Variants in SZT2 observed in about 807,000 individuals in gnomAD.
SZT2 encodes the protein SZT2 subunit of KICSTOR complex, also known as KICSTOR complex protein SZT2.
Under a neutral mutation model 404.2 loss-of-function variants are expected in SZT2, and 216 were observed. The ratio of observed to expected loss-of-function variants is 0.53; its 90% CI spans 0.48 to 0.60. The LOEUF (loss-of-function observed/expected upper bound fraction) is 0.60, where lower values mean the gene tolerates loss of function less well. Ranked by LOEUF, SZT2 falls within the 20% of genes least tolerant of loss-of-function variation. The pLI is 0.00. For synonymous variants in SZT2, 1,693 were observed against 1,749.9 expected (o/e 0.97, Z 0.81); for missense variants, 3,857 against 4,459.2 (o/e 0.86, Z 3.85).
In SZT2 at chr1:43,453,290, C is replaced by A. The variant is rs951561939; in HGVS notation, c.*2810C>A. The stretch of plus-strand genomic sequence containing the variant: ...AGAGGCAGAGATAAACCAGTGGGCT[C>A]AGACTTCTGAGCGTCTCAGATCTGG... On this transcript the variant is annotated 3_prime_UTR_variant, in exon 72 of 72. Transcript: ENST00000634258. 58 of 815,360 alleles carry A rather than the reference C, an allele frequency of 7.1e-5. 1 individual carries two copies. The African/African-American group carries it at 9.8e-4, about 14-fold the overall frequency. 50.5% of individuals were successfully genotyped at this position (815,360 alleles called of 1,614,324 possible).
chr1:43,453,979 A>G lies in SZT2; in HGVS notation c.*3499A>G. ...ACGAAAAGCGCCTACGGTTAGCGAGAGAGGGATCACGGGGAGAGGCGAAGG... is the reference window on the plus strand; with the variant it reads ...ACGAAAAGCGCCTACGGTTAGCGAGGGAGGGATCACGGGGAGAGGCGAAGG... On this transcript the variant is annotated 3_prime_UTR_variant, in exon 72 of 72. Coordinates refer to ENST00000634258, the MANE Select transcript of SZT2 (RefSeq NM_001365999.1). 1 of 1,188,742 alleles carries G rather than the reference A, an allele frequency of 8.4e-7. No homozygotes were observed. The highest frequency in any genetic ancestry group is 1.6e-5 in the African/African-American group (1 of 62,596). 73.6% of individuals were successfully genotyped at this position (1,188,742 alleles called of 1,614,324 possible).
At position 43,446,954 on chromosome 1, in the gene SZT2, GCT is replaced by G; in HGVS notation, c.9073_9074del (p.Leu3025ValfsTer9). 1 of 1,606,896 alleles carries G rather than the reference GCT, an allele frequency of 6.2e-7. No homozygotes were observed. Among genetic ancestry groups the G allele is most frequent in the Non-Finnish European group, 8.5e-7 (1 of 1,175,474 alleles). On this transcript the variant is annotated frameshift_variant and splice_region_variant, in exon 66 of 72. Coordinates refer to ENST00000634258, the MANE Select transcript of SZT2 (RefSeq NM_001365999.1). LOFTEE classifies it high-confidence loss of function. ...CCTGTCTCCTGCTGCTGCCTCCCCA[GCT>G]GTCCATGCTGTTCACAGAGGAGTGT... ...IPMGQAVNSQ[L>X]SMLFTEECDK... is the part of the protein sequence containing the mutation.
chr1:43,450,236 G>A lies in SZT2; in HGVS notation c.10155+65G>A, dbSNP rs1416592363. On this transcript the variant is annotated intron_variant, in intron 71 of 71. Coordinates refer to ENST00000634258, the MANE Select transcript of SZT2 (RefSeq NM_001365999.1). The surrounding 1 kb of genome is among the most constrained non-coding windows in gnomAD (Gnocchi z 4.3). ...GGCCGTACCCCAAATGCTCCACCTC[G>A]GAGCCTGCTGAGGTTGGGGTGCCCA... 16 of 1,613,294 alleles carry A rather than the reference G, an allele frequency of 9.9e-6. No homozygotes were observed. The highest frequency in any genetic ancestry group is 5.3e-5 in the African/African-American group (4 of 74,872).
Position 43,442,483 on chromosome 1 carries a change from A to C in SZT2, c.8016A>C (p.Ala2672=). The part of the protein sequence containing the change: ...LTYNWAPDLG[A]ALGRALVRLV... The stretch of plus-strand genomic sequence containing the variant: ...ACAACTGGGCTCCAGACCTGGGGGC[A>C]GCATTGGGCCGAGCGCTGGTTCGCC... The change falls in exon 58 of 72, where the codon GCA becomes GCC. Residue 2672 remains alanine (A), a synonymous_variant. Transcript: ENST00000634258. This position sits in a 1 kb window ranked among gnomAD's most constrained non-coding sequence, Gnocchi z 4.5. The C allele has an allele frequency of 6.2e-7, 1 of 1,614,070 alleles. No individual in the cohort carries two copies. Among genetic ancestry groups the C allele is most frequent in the African/African-American group, 1.3e-5 (1 of 75,050 alleles).
chr1:43,441,091 G>A lies in SZT2; in HGVS notation c.7345-123G>A, dbSNP rs1036471911. On this transcript the variant is annotated intron_variant, in intron 52 of 71. Transcript: ENST00000634258. This position sits in a 1 kb window ranked among gnomAD's most constrained non-coding sequence, Gnocchi z 4.8. ...GCCCAAGGCTCCTTAGCCAGCCCCT[G>A]GGGAAGCCAGGGTCTGAACCCAGAC... is the stretch of plus-strand genomic sequence containing the variant. 1 of 1,277,160 alleles carries A rather than the reference G, an allele frequency of 7.8e-7. No individual in the cohort carries two copies. Among genetic ancestry groups the A allele is most frequent in the African/African-American group, 1.5e-5 (1 of 67,414 alleles). 79.1% of individuals were successfully genotyped at this position (1,277,160 alleles called of 1,614,324 possible).
chr1:43,447,362 C>T (rs1655801973), intron 66 of SZT2, among the ~76,000 whole-genome samples, 183 bp from the exon 67 acceptor site: 1 of 152,232 alleles, frequency 6.6e-6, no homozygotes, highest in South Asian at 2.1e-4. Context: ...GTCACATGTC[C>T]CCTGCCCTCT....
In SZT2 at chr1:43,450,247, A is replaced by T; in HGVS notation, c.10155+76A>T. The T allele has an allele frequency of 6.2e-7, 1 of 1,613,722 alleles. No homozygotes were observed. Among genetic ancestry groups the T allele is most frequent in the Non-Finnish European group, 8.5e-7 (1 of 1,179,680 alleles). ...AAATGCTCCACCTCGGAGCCTGCTG[A>T]GGTTGGGGTGCCCACCCTTTCTGAG... is the stretch of plus-strand genomic sequence containing the variant. On this transcript the variant is annotated intron_variant, in intron 71 of 71. Coordinates refer to ENST00000634258, the MANE Select transcript of SZT2 (RefSeq NM_001365999.1). The surrounding 1 kb of genome is among the most constrained non-coding windows in gnomAD (Gnocchi z 4.3).
chr1:43,432,645 G>A, intron 38 of SZT2, 41 bp downstream of exon 38: 1 of 1,612,962 alleles, frequency 6.2e-7, no homozygotes, highest in Non-Finnish European at 8.5e-7. Context: ...GCCAGGACCA[G>A]ATCCCTGACC....
chr1:43,433,264 C>T (rs776876155), intron 40 of SZT2, 74 bp downstream of exon 40: 24 of 1,507,236 alleles, frequency 1.6e-5, no homozygotes, highest in Non-Finnish European at 2.1e-5. Context: ...TACCTCTCTC[C>T]AGTGTTGTTA....
At position 43,448,966 on chromosome 1, in the gene SZT2, G is replaced by C; in HGVS notation, c.10086+238G>C. 1 of 517,270 alleles carries C rather than the reference G, an allele frequency of 1.9e-6. No homozygotes were observed. Among genetic ancestry groups the C allele is most frequent in the South Asian group, 2.4e-5 (1 of 41,682 alleles). 32.0% of individuals were successfully genotyped at this position (517,270 alleles called of 1,614,324 possible). On this transcript the variant is annotated intron_variant, in intron 70 of 71. Coordinates refer to ENST00000634258, the MANE Select transcript of SZT2 (RefSeq NM_001365999.1). This position sits in a 1 kb window ranked among gnomAD's most constrained non-coding sequence, Gnocchi z 4.2. Reference sequence around the variant, plus strand: ...AATACAAGCCTTGGCTTGAGATCCTGAGGGCCAGGCTCTGGAACTGACAAC... The same window carrying C: ...AATACAAGCCTTGGCTTGAGATCCTCAGGGCCAGGCTCTGGAACTGACAAC...
intron 1 of SZT2, among the ~76,000 whole-genome samples, chr1:43,393,426 A>G (rs753448896): frequency 6.6e-6 from 1 of 152,188 alleles, no homozygotes; most frequent in Non-Finnish European, 1.5e-5. Flanking sequence ...TGCCAAAACT[A>G]TATAGTTAAT....
Position 43,425,327 on chromosome 1 carries a change from G to A in SZT2, c.2645+120G>A, listed in dbSNP as rs1299448538. On this transcript the variant is annotated intron_variant, in intron 18 of 71. Coordinates refer to ENST00000634258, the MANE Select transcript of SZT2 (RefSeq NM_001365999.1). The surrounding 1 kb of genome is among the most constrained non-coding windows in gnomAD (Gnocchi z 4.3). Reference sequence around the variant, plus strand: ...GATCCCAAAGTCAGGGAGGGGGTGCGGTGTTTAGATGCTTCATCAGGCAGA... The same window carrying A: ...GATCCCAAAGTCAGGGAGGGGGTGCAGTGTTTAGATGCTTCATCAGGCAGA... The A allele has an allele frequency of 1.1e-5, 16 of 1,504,980 alleles. No homozygotes were observed. The highest frequency in any genetic ancestry group is 3.7e-5 in the South Asian group (3 of 81,472). 93.2% of individuals were successfully genotyped at this position (1,504,980 alleles called of 1,614,324 possible). A position where few individuals can be genotyped will look rare whatever the true frequency, so the allele number is the denominator to read the frequency against.
Position 43,430,297 on chromosome 1 carries a change from A to G in SZT2, c.4402-14A>G. Reference sequence around the variant, plus strand: ...GATTCTTGCCTCATCATCTTGCTTCATTCTTTTGCCTAGGATGAGGGGCCT... The same window carrying G: ...GATTCTTGCCTCATCATCTTGCTTCGTTCTTTTGCCTAGGATGAGGGGCCT... On this transcript the variant is annotated splice_polypyrimidine_tract_variant and intron_variant, in intron 30 of 71. Transcript: ENST00000634258. The G allele has an allele frequency of 6.2e-7, 1 of 1,613,544 alleles. No individual in the cohort carries two copies. Among genetic ancestry groups the G allele is most frequent in the South Asian group, 1.1e-5 (1 of 91,042 alleles).
intron 2 of SZT2, 133 bp from the exon 3 acceptor site, chr1:43,403,468 T>A (rs1649927239): frequency 1.4e-6 from 2 of 1,389,610 alleles, no homozygotes; most frequent in Non-Finnish European, 1.9e-6. Flanking sequence ...TTCCAGAGAG[T>A]GAGAGGAAGA....
rs377392290 is a variant in SZT2 at position 43,437,500 on chromosome 1, C to T, written c.6282C>T (p.Tyr2094=). 1 of 1,614,040 alleles carries T rather than the reference C, an allele frequency of 6.2e-7. No individual in the cohort carries two copies. The highest frequency in any genetic ancestry group is 1.3e-5 in the African/African-American group (1 of 74,916). ...VYQERATKAV[Y]YLRLLETSCS... is the part of the protein sequence containing the mutation. ...AGGAGCGAGCAACAAAGGCTGTGTA[C>T]TATCTTCGGTATGTGGCCCTTGGAA... is the stretch of plus-strand genomic sequence containing the variant. The change falls in exon 44 of 72, where the codon TAC becomes TAT. Residue 2094 remains tyrosine (Y), a synonymous_variant. Coordinates refer to ENST00000634258, the MANE Select transcript of SZT2 (RefSeq NM_001365999.1). The surrounding 1 kb of genome is among the most constrained non-coding windows in gnomAD (Gnocchi z 5.3).
Position 43,441,155 on chromosome 1 carries a change from C to A in SZT2, c.7345-59C>A. 1 of 1,577,866 alleles carries A rather than the reference C, an allele frequency of 6.3e-7. No individual in the cohort carries two copies. The stretch of plus-strand genomic sequence containing the variant: ...TAGCTCACTGCTGTTCCATAGTGCC[C>A]CCATCCCACACCTTTCCTCTTCCCA... On this transcript the variant is annotated intron_variant, in intron 52 of 71. Transcript: ENST00000634258. The surrounding 1 kb of genome is among the most constrained non-coding windows in gnomAD (Gnocchi z 4.8).
Position 43,453,583 on chromosome 1 carries a change from C to G in SZT2, c.*3103C>G. On this transcript the variant is annotated 3_prime_UTR_variant, in exon 72 of 72. Coordinates refer to ENST00000634258, the MANE Select transcript of SZT2 (RefSeq NM_001365999.1). ...CCCCCAGCCCTCCCAGCCCTCCCGG[C>G]CCGCGACGCACCCGGGGGCGTGTTG... The G allele has an allele frequency of 6.6e-7, 1 of 1,520,152 alleles. No individual in the cohort carries two copies. Among genetic ancestry groups the G allele is most frequent in the South Asian group, 1.3e-5 (1 of 79,862 alleles). The allele number at this position is 1,520,152 out of a possible 1,614,324, so 94.2% of individuals were successfully genotyped here.
chr1:43,417,142 CAGAT>C (rs1291306136), intron 7 of SZT2, among the ~76,000 whole-genome samples: 1 of 152,134 alleles, frequency 6.6e-6, no homozygotes, highest in African/African-American at 2.4e-5. Context: ...GTGGGTGATG[CAGAT>C]AGATAGAAGG....
chr1:43,425,393 C>G lies in SZT2; in HGVS notation c.2646-81C>G. 2 of 1,583,162 alleles carry G rather than the reference C, an allele frequency of 1.3e-6. No homozygotes were observed. The highest frequency in any genetic ancestry group is 1.7e-6 in the Non-Finnish European group (2 of 1,160,774). The stretch of plus-strand genomic sequence containing the variant: ...GCCTTGTATGACTCGTGGCTGTCCT[C>G]TGTGCCTGCCTCCTTCCCTCCATGA... On this transcript the variant is annotated intron_variant, in intron 18 of 71. Coordinates refer to ENST00000634258, the MANE Select transcript of SZT2 (RefSeq NM_001365999.1). This position sits in a 1 kb window ranked among gnomAD's most constrained non-coding sequence, Gnocchi z 4.3.
Sources: gnomAD v4.1 joint callset for allele counts (sites outside exome capture counted in the v4.1 genomes callset) on GRCh38, gnomAD v4.1.1 for gene constraint, Gnocchi (gnomAD v3.1) non-coding constraint, MANE v1.5 for transcripts, NCBI Gene and HGNC (gene_info 2026-07-23, HGNC 2026-07-21) for gene names.